The following NBPF11 variants were observed in gnomAD, a reference collection of about 807,000 sequenced individuals.
NBPF11 encodes NBPF family member NBPF11.
In NBPF11, 72 loss-of-function variants were observed where a neutral mutation model predicts 93.9. The observed-to-expected ratio is 0.77, with a 90% CI of 0.63 to 0.93. The LOEUF (loss-of-function observed/expected upper bound fraction) is 0.93. Ranked by LOEUF, NBPF11 falls within the 40% of genes least tolerant of loss-of-function variation. The probability of loss-of-function intolerance (pLI) is 0.00; values close to 1 mark genes in which losing one functional copy is unlikely to be tolerated. For missense variants in NBPF11, 705 were observed against 802.2 expected (o/e 0.88, Z 1.46); for synonymous variants, 224 against 304.9 (o/e 0.73, Z 2.76).
At chr1:148,149,028 G>A in intron 1 of NBPF11, 1 of 721,082 alleles carries the variant, frequency 1.4e-6, no homozygotes, top group Non-Finnish European at 2.3e-6. Flanking sequence ...TGTGGAGCCT[G>A]AGCCTGACCC....
At chr1:148,136,232 G>C (rs1364367727) in intron 3 of NBPF11, among the ~76,000 whole-genome samples, 4 of 151,790 alleles carry the variant, frequency 2.6e-5, no homozygotes, top group African/African-American at 9.7e-5. Context: ...ATTTATCCAA[G>C]AGAAATTAAA....
At chr1:148,131,502 G>C (rs1344141401) in intron 4 of NBPF11, among the ~76,000 whole-genome samples, 9 of 150,560 alleles carry the variant, frequency 6.0e-5, no homozygotes, top group African/African-American at 2.2e-4. Flanking sequence ...CTTAGTTATA[G>C]ATTAAAAGAA....
At chr1:148,120,963 G>C (rs1347403356) in intron 9 of NBPF11, among the ~76,000 whole-genome samples, 1 of 152,038 alleles carries the variant, frequency 6.6e-6, no homozygotes, top group Admixed American at 6.6e-5. Flanking sequence ...GCTTGGCCCT[G>C]AGATTTTTAT....
At chr1:148,108,842 G>GACACAC (rs71270029) in intron 17 of NBPF11, among the ~76,000 whole-genome samples, 188 bp from the exon 18 acceptor site, 4,690 of 112,828 alleles carry the variant, frequency 0.042, 126 homozygotes, top group Middle Eastern at 0.063. Flanking sequence ...GAAAGAGAAA[G>GACACAC]ACACACACAC....
chr1:148,140,840 C>A (rs1293522748), intron 2 of NBPF11, among the ~76,000 whole-genome samples: 1 of 151,314 alleles, frequency 6.6e-6, no homozygotes, highest in Non-Finnish European at 1.5e-5. Flanking sequence ...TAAGTTCATT[C>A]AAAATCCTGC....
intron 1 of NBPF11, chr1:148,146,569 T>C (rs1673123684): frequency 6.2e-7 from 1 of 1,606,544 alleles, no homozygotes; most frequent in African/African-American, 1.3e-5. Context: ...CCTGAGAGCC[T>C]CCTCGGGCGC....
intron 17 of NBPF11, among the ~76,000 whole-genome samples, chr1:148,108,889 A>ACG (rs1288813210): frequency 6.9e-6 from 1 of 144,822 alleles, no homozygotes; most frequent in Non-Finnish European, 1.5e-5. Context: ...ACACACACAC[A>ACG]CAGTGTGAGC....
chr1:148,112,143 T>C (rs1297710272), intron 15 of NBPF11, among the ~76,000 whole-genome samples: 1 of 142,338 alleles, frequency 7.0e-6, no homozygotes, highest in Non-Finnish European at 1.5e-5. Context: ...TATTATTTTT[T>C]GTGTGTATGT....
Position 148,103,726 on chromosome 1 carries a change from A to G in NBPF11, c.*170T>C. ...CCAGGTGGAGACTTCTCACCGTCAA[A>G]GTAAAAAACCTATTGTCCATGTCAA... On this transcript the variant is annotated 3_prime_UTR_variant, in exon 24 of 24. Transcript: ENST00000682118. The G allele has an allele frequency of 6.2e-7, 1 of 1,611,544 alleles. No homozygotes were observed. The highest frequency in any genetic ancestry group is 8.5e-7 in the Non-Finnish European group (1 of 1,179,372).
rs1647698761 is a variant in NBPF11, at chr1:148,149,452, G to A, written c.-549+2298C>T. ...CGCTCTACGAGCGCTGCCCCAAGGC[G>A]GTGGAGCCGCTGTGGGTGGAGGGCG... is the stretch of plus-strand genomic sequence containing the variant. On this transcript the variant is annotated intron_variant, in intron 1 of 23. Transcript: ENST00000682118. The A allele has an allele frequency of 3.1e-6, 5 of 1,587,798 alleles. No homozygotes were observed. The African/African-American group carries it at 4.1e-5, about 13-fold the overall frequency.
rs1390836683 is a variant in NBPF11, at chr1:148,151,491, G to A, written c.-549+259C>T. ...AAGCTGCTCCGTCCCTCCACCCCCT[G>A]GGATGCCACAGAACACCTGCCAGGG... On this transcript the variant is annotated intron_variant, in intron 1 of 23. Transcript: ENST00000682118. Among the ~76,000 whole-genome samples the A allele has an allele frequency of 8.6e-3, 1,303 of 152,136 alleles. 45 individuals are homozygous for A. Among genetic ancestry groups the A allele is most frequent in the African/African-American group, 0.03 (1,238 of 41,408 alleles).
chr1:148,121,989 C>T lies in NBPF11; in HGVS notation c.778+66G>A, dbSNP rs1407603291. The T allele has an allele frequency of 3.1e-4, 302 of 969,834 alleles. 1 individual carries two copies. Among genetic ancestry groups the T allele is most frequent in the Non-Finnish European group, 4.7e-4 (281 of 591,930 alleles). 60.1% of individuals were successfully genotyped at this position (969,834 alleles called of 1,614,324 possible). ...CAATAACAATATGTGTATATACAGC[C>T]TGTCCTCAGAATTGATCTTCCATAG... On this transcript the variant is annotated intron_variant, in intron 9 of 23. Coordinates refer to ENST00000682118, the MANE Select transcript of NBPF11 (RefSeq NM_001385469.3).
intron 16 of NBPF11, chr1:148,109,560 C>T: frequency 1.6e-6 from 1 of 626,014 alleles, no homozygotes; most frequent in Non-Finnish European, 2.8e-6. Context: ...ATGTTATTTT[C>T]CCTATGTGCT....
chr1:148,144,785 C>A (rs1672736739), intron 1 of NBPF11, among the ~76,000 whole-genome samples: 1 of 151,842 alleles, frequency 6.6e-6, no homozygotes, highest in South Asian at 2.1e-4. Context: ...CTAGTCTGGG[C>A]ACCACAGGAA....
rs1671184984 is a variant in NBPF11, at chr1:148,135,818, C to T, written c.-177-5G>A. Reference sequence around the variant, plus strand: ...GACCATCCTTATCTTCAAGGGCTACCAAGAAGAAACAAATAATTTATTTAC... The same window carrying T: ...GACCATCCTTATCTTCAAGGGCTACTAAGAAGAAACAAATAATTTATTTAC... On this transcript the variant is annotated splice_polypyrimidine_tract_variant and splice_region_variant and intron_variant, in intron 3 of 23. Coordinates refer to ENST00000682118, the MANE Select transcript of NBPF11 (RefSeq NM_001385469.3). 33 of 644,088 alleles carry T rather than the reference C, an allele frequency of 5.1e-5. 1 individual carries two copies. The South Asian group carries it at 6.0e-4, about 12-fold the overall frequency. The allele number at this position is 644,088 out of a possible 1,614,324, so 39.9% of individuals were successfully genotyped here. A position where few individuals can be genotyped will look rare whatever the true frequency, so the allele number is the denominator to read the frequency against.
intron 13 of NBPF11, 118 bp downstream of exon 13, chr1:148,116,345 A>G: frequency 2.5e-6 from 2 of 811,112 alleles, no homozygotes; most frequent in Non-Finnish European, 4.4e-6. Context: ...TATATTTCAC[A>G]TACTGTGGCC....
chr1:148,135,992 G>T (rs1278678513), intron 3 of NBPF11, among the ~76,000 whole-genome samples, 179 bp from the exon 4 acceptor site: 1 of 151,944 alleles, frequency 6.6e-6, no homozygotes, highest in Admixed American at 6.5e-5. Flanking sequence ...CTTCATGGTG[G>T]TGGTGATGAC....
chr1:148,126,042 C>A (rs1476581757), intron 5 of NBPF11, among the ~76,000 whole-genome samples: 1 of 151,762 alleles, frequency 6.6e-6, no homozygotes, highest in East Asian at 1.9e-4. Context: ...GCCCTGTCAC[C>A]CATGCTGGAG....
intron 1 of NBPF11, chr1:148,146,967 G>T: frequency 2.0e-6 from 3 of 1,522,974 alleles, no homozygotes; most frequent in Non-Finnish European, 2.6e-6. Flanking sequence ...CACCCAAGAG[G>T]GGACCAGGCG....
Sources: allele counts gnomAD v4.1 joint callset (sites outside exome capture counted in the v4.1 genomes callset), GRCh38; gene constraint gnomAD v4.1.1; transcripts MANE v1.5; gene names NCBI Gene and HGNC (gene_info 2026-07-23, HGNC 2026-07-21).